Variants in PDE8B observed in about 807,000 individuals in gnomAD.
PDE8B encodes the protein phosphodiesterase 8B, also known as high affinity cAMP-specific and IBMX-insensitive 3',5'-cyclic phosphodiesterase 8B.
In PDE8B, 26 loss-of-function variants were observed where a neutral mutation model predicts 101.3. The ratio of observed to expected loss-of-function variants is 0.26; its 90% CI spans 0.19 to 0.36. PDE8B has a LOEUF of 0.36. Among genes scored for constraint, PDE8B ranks in the 10% least tolerant of loss-of-function variants. PDE8B has a pLI of 1.00. For missense variants in PDE8B, 810 were observed against 1,163.1 expected (o/e 0.70, Z 4.42); for synonymous variants, 424 against 429.3 (o/e 0.99, Z 0.15).
the PDE8B span, among the ~76,000 whole-genome samples, chr5:77,163,215 A>G: frequency 2.6e-5 from 4 of 152,196 alleles, no homozygotes; most frequent in Non-Finnish European, 5.9e-5. Context: ...GAACACAGCA[A>G]TACAAGATGA....
chr5:77,175,109 T>C, the PDE8B span, among the ~76,000 whole-genome samples: 6 of 152,172 alleles, frequency 3.9e-5, no homozygotes, highest in Non-Finnish European at 7.3e-5. Flanking sequence ...TCACAGGTCC[T>C]GTCAACCTTG....
At chr5:77,201,459 C>T in the PDE8B span, among the ~76,000 whole-genome samples, 1 of 151,980 alleles carries the variant, frequency 6.6e-6, no homozygotes, top group East Asian at 1.9e-4. Context: ...ACATTCTAAT[C>T]ATGTTCTGGG....
chr5:77,089,586 A>C, the PDE8B span, among the ~76,000 whole-genome samples: 3 of 152,206 alleles, frequency 2.0e-5, no homozygotes, highest in African/African-American at 7.2e-5. Flanking sequence ...TCAAAGGGAT[A>C]ATTTTGCAAT....
At chr5:77,339,286 A>G (rs1320226482) in intron 6 of PDE8B, among the ~76,000 whole-genome samples, 1 of 152,178 alleles carries the variant, frequency 6.6e-6, no homozygotes, top group Non-Finnish European at 1.5e-5. Context: ...CTTACTACAA[A>G]TCAGTGTCAA....
chr5:77,089,607 A>G, the PDE8B span, among the ~76,000 whole-genome samples: 1 of 152,164 alleles, frequency 6.6e-6, no homozygotes, highest in Admixed American at 6.5e-5. Context: ...GTGAAGGCCA[A>G]CTATTAGGTT....
intron 10 of PDE8B, among the ~76,000 whole-genome samples, chr5:77,355,143 C>T (rs1581207596): frequency 1.3e-5 from 2 of 152,176 alleles, no homozygotes; most frequent in Non-Finnish European, 2.9e-5. Flanking sequence ...GCAGGCAAGC[C>T]CTTAGCACAG....
intron 13 of PDE8B, among the ~76,000 whole-genome samples, chr5:77,408,686 G>A (rs1793978947): frequency 6.6e-6 from 1 of 152,138 alleles, no homozygotes; most frequent in Non-Finnish European, 1.5e-5. Flanking sequence ...GCCTGAGGAA[G>A]CCTACTCACT....
At chr5:77,271,365 G>C (rs983841374) in intron 1 of PDE8B, among the ~76,000 whole-genome samples, 1 of 152,154 alleles carries the variant, frequency 6.6e-6, no homozygotes, top group African/African-American at 2.4e-5. Flanking sequence ...GGCTGTGGCT[G>C]GTACGTGATC....
intron 1 of PDE8B, among the ~76,000 whole-genome samples, chr5:77,255,042 C>T (rs572647699): frequency 7.9e-5 from 12 of 152,290 alleles, no homozygotes; most frequent in African/African-American, 1.7e-4. Flanking sequence ...GGAGGTGACC[C>T]TCCAAGTTAC....
the PDE8B span, among the ~76,000 whole-genome samples, chr5:77,197,109 CTTTTT>C: frequency 0.07 from 6,648 of 94,864 alleles, 494 homozygotes; most frequent in African/African-American, 0.22. Flanking sequence ...TTAAAAAAAA[CTTTTT>C]TTTTTTTTTT....
intron 18 of PDE8B, among the ~76,000 whole-genome samples, 191 bp downstream of exon 18, chr5:77,418,637 G>T (rs1418930862): frequency 6.6e-6 from 1 of 152,190 alleles, no homozygotes; most frequent in Non-Finnish European, 1.5e-5. Context: ...TTGGTCTTCA[G>T]TGAGTTCATA....
the PDE8B span, among the ~76,000 whole-genome samples, chr5:77,198,425 A>G: frequency 3.3e-5 from 5 of 152,124 alleles, no homozygotes; most frequent in African/African-American, 9.7e-5. Context: ...TGTTTCTTTC[A>G]TAAGTATTTC....
intron 4 of PDE8B, 105 bp downstream of exon 4, chr5:77,329,162 G>C: frequency 1.2e-6 from 1 of 841,750 alleles, no homozygotes; most frequent in South Asian, 1.4e-5. Context: ...GTGTGTCTTG[G>C]GTCCTAGAAC....
chr5:77,260,696 TC>T (rs1760391206), intron 1 of PDE8B, among the ~76,000 whole-genome samples: 1 of 149,990 alleles, frequency 6.7e-6, no homozygotes, highest in South Asian at 2.2e-4. Context: ...CAGTCAATTC[TC>T]ACGCCTCAGC....
At chr5:77,419,704 G>A in intron 18 of PDE8B, 63 bp from the exon 19 acceptor site, 1 of 1,595,718 alleles carries the variant, frequency 6.3e-7, no homozygotes, top group Non-Finnish European at 8.6e-7. Flanking sequence ...GTGAAATGGT[G>A]GCAGAATAGT....
intron 1 of PDE8B, among the ~76,000 whole-genome samples, chr5:77,309,462 G>T (rs1232382248): frequency 6.6e-6 from 1 of 151,920 alleles, no homozygotes; most frequent in Non-Finnish European, 1.5e-5. Context: ...CTGCCACTGA[G>T]TGACTCTTTT....
At chr5:77,126,507 C>G in the PDE8B span, among the ~76,000 whole-genome samples, 5 of 152,096 alleles carry the variant, frequency 3.3e-5, no homozygotes, top group African/African-American at 1.2e-4. Context: ...CTCATTGCAG[C>G]CTTAGTCTCC....
At chr5:77,159,446 G>C in the PDE8B span, among the ~76,000 whole-genome samples, 1 of 152,104 alleles carries the variant, frequency 6.6e-6, no homozygotes, top group Non-Finnish European at 1.5e-5. Flanking sequence ...TCCTGTGCTG[G>C]ATGCTTCCTG....
chr5:77,272,892 T>A (rs553081897), intron 1 of PDE8B, among the ~76,000 whole-genome samples: 2 of 152,286 alleles, frequency 1.3e-5, no homozygotes, highest in African/African-American at 4.8e-5. Flanking sequence ...CATTATTTTT[T>A]AATGTATTTT....
Sources: gnomAD v4.1 joint callset for allele counts (sites outside exome capture counted in the v4.1 genomes callset) on GRCh38, gnomAD v4.1.1 for gene constraint, MANE v1.5 for transcripts, NCBI Gene and HGNC (gene_info 2026-07-23, HGNC 2026-07-21) for gene names.